The following MMD variants were observed in gnomAD, a reference collection of about 807,000 sequenced individuals.
MMD encodes monocyte to macrophage differentiation factor.
A neutral mutation model predicts 33.6 loss-of-function variants in MMD; 22 were observed. The ratio of observed to expected loss-of-function variants is 0.66; its 90% CI spans 0.47 to 0.94. The LOEUF is 0.94. Ranked by LOEUF, MMD falls within the 40% of genes least tolerant of loss-of-function variation. MMD has a pLI of 0.00. For missense variants in MMD, 242 were observed against 309.8 expected, an observed-to-expected ratio of 0.78 and a Z score of 1.64; for synonymous variants, 97 against 103.2, an observed-to-expected ratio of 0.94 and a Z score of 0.36.
chr17:55,420,116 A>T (rs1223174090), intron 1 of MMD: 4 of 152,198 alleles, frequency 2.6e-5, no homozygotes, highest in Admixed American at 6.5e-5. Flanking sequence ...AGAGGATCCA[A>T]AGGTATAGGT....
chr17:55,409,614 C>T (rs533515472), intron 3 of MMD, among the ~76,000 whole-genome samples: 1 of 152,168 alleles, frequency 6.6e-6, no homozygotes, highest in Admixed American at 6.5e-5. Flanking sequence ...TCCCTTCTCA[C>T]TTTTACTTAA....
Position 55,421,726 on chromosome 17 carries a change from G to A in MMD, c.-31C>T. 6.3e-7 allele frequency: 1 copy of A among 1,581,822 alleles called. No homozygotes were observed. Among genetic ancestry groups the A allele is most frequent in the African/African-American group, 1.4e-5 (1 of 72,894 alleles). On this transcript the variant is annotated 5_prime_UTR_variant, in exon 1 of 7. Coordinates refer to ENST00000262065, the MANE Select transcript of MMD (RefSeq NM_012329.3). ...CTCTGCTCCTCCTCGGGGGCCAGGA[G>A]CTCCGTCTCGTCAGCACCGGCGGCC...
chr17:55,396,060 A>C (rs1907089938), intron 6 of MMD, among the ~76,000 whole-genome samples: 1 of 152,206 alleles, frequency 6.6e-6, no homozygotes, highest in Non-Finnish European at 1.5e-5. Flanking sequence ...CCTTTCTGCC[A>C]AAACAAGCAA....
intron 4 of MMD, among the ~76,000 whole-genome samples, chr17:55,407,216 T>C (rs934946662): frequency 1.3e-5 from 2 of 151,070 alleles, no homozygotes; most frequent in African/African-American, 4.9e-5. Flanking sequence ...GTAATCCCAG[T>C]TACTCAGGAG....
intron 1 of MMD, among the ~76,000 whole-genome samples, chr17:55,414,472 C>G (rs192455242): frequency 6.7e-6 from 1 of 149,862 alleles, no homozygotes; most frequent in Admixed American, 6.7e-5. Context: ...AAAGAAAAAC[C>G]TTCCATAACC....
chr17:55,399,748 T>C (rs915901111), intron 6 of MMD, among the ~76,000 whole-genome samples: 1 of 152,230 alleles, frequency 6.6e-6, no homozygotes, highest in African/African-American at 2.4e-5. Flanking sequence ...TTTTCTTTAA[T>C]AGGAACTGCA....
chr17:55,421,797 C>A lies in MMD; in HGVS notation c.-102G>T, dbSNP rs2143172374. 3.2e-6 allele frequency: 4 copies of A among 1,242,892 alleles called. No individual in the cohort carries two copies. The highest frequency in any genetic ancestry group is 1.5e-5 in the South Asian group (1 of 67,602). 77.0% of individuals were successfully genotyped at this position (1,242,892 alleles called of 1,614,324 possible). ...CTTGGGCTGCTCCGGAGGCCGCCTG[C>A]GTGTCCAGCGGAACCCTTCGGCCGG... On this transcript the variant is annotated 5_prime_UTR_variant, in exon 1 of 7. Transcript: ENST00000262065.
At chr17:55,401,066 AGT>A (rs1907307848) in intron 6 of MMD, among the ~76,000 whole-genome samples, 1 of 152,246 alleles carries the variant, frequency 6.6e-6, no homozygotes, top group Non-Finnish European at 1.5e-5. Flanking sequence ...GATTCAGGAA[AGT>A]ACCATAAAGA....
chr17:55,403,532 G>A (rs1907427282), intron 5 of MMD, among the ~76,000 whole-genome samples: 1 of 152,176 alleles, frequency 6.6e-6, no homozygotes, highest in African/African-American at 2.4e-5. Flanking sequence ...AAAGGGGCTG[G>A]TTACCATGTC....
intron 6 of MMD, among the ~76,000 whole-genome samples, chr17:55,400,109 T>C (rs371955401): frequency 6.6e-6 from 1 of 152,224 alleles, no homozygotes; most frequent in East Asian, 1.9e-4. Flanking sequence ...TAGGTAATTA[T>C]TAAAGCCATC....
At chr17:55,404,463 G>A (rs572626926) in intron 4 of MMD, 2 of 985,174 alleles carry the variant, frequency 2.0e-6, no homozygotes, top group East Asian at 1.1e-4. Context: ...ACCCTATTAG[G>A]CAGAATGAGG....
chr17:55,413,560 T>C (rs963188890), intron 2 of MMD, among the ~76,000 whole-genome samples: 8 of 152,172 alleles, frequency 5.3e-5, no homozygotes, highest in African/African-American at 1.9e-4. Context: ...TATATATTTT[T>C]CAGTATTTTT....
intron 4 of MMD, among the ~76,000 whole-genome samples, chr17:55,405,326 C>T (rs576197235): frequency 4.0e-5 from 6 of 150,556 alleles, no homozygotes; most frequent in East Asian, 3.9e-4. Flanking sequence ...GCCAAGATCG[C>T]GCCATTGCAG....
Position 55,407,837 on chromosome 17 carries a change from A to G in MMD, c.270-17T>C, listed in dbSNP as rs1161605160. The G allele has an allele frequency of 3.2e-6, 5 of 1,542,588 alleles. No individual in the cohort carries two copies. The Admixed American group carries it at 1.2e-4, about 36-fold the overall frequency. ...TCCACTGTCCTAGCGAGGGGGAAAA[A>G]AAAGTAAATTTGTCAGAAAGTGTTC... On this transcript the variant is annotated splice_polypyrimidine_tract_variant and intron_variant, in intron 3 of 6. Transcript: ENST00000262065.
chr17:55,420,431 A>G (rs1427670714), intron 1 of MMD: 1 of 152,220 alleles, frequency 6.6e-6, no homozygotes, highest in African/African-American at 2.4e-5. Context: ...CTGATAAGCA[A>G]TATATTCAGA....
At chr17:55,401,902 C>G (rs1907345088) in intron 5 of MMD, among the ~76,000 whole-genome samples, 1 of 151,888 alleles carries the variant, frequency 6.6e-6, no homozygotes, top group South Asian at 2.1e-4. Flanking sequence ...TGAAACCCGT[C>G]CCTACTAAAA....
intron 6 of MMD, among the ~76,000 whole-genome samples, chr17:55,401,211 G>A (rs927460490): frequency 6.6e-6 from 1 of 152,072 alleles, no homozygotes; most frequent in Non-Finnish European, 1.5e-5. Context: ...TCAGGCTGTA[G>A]GGCATGAACA....
Position 55,411,400 on chromosome 17 carries a change from G to A in MMD, c.126C>T (p.Ala42=). ...CYTHAFLIVP[A]IVGSALLHRL... ...GATGGAGGAGGGCACTGCCCACGAT[G>A]GCCGGAACAATGAGGAACTGAGGGA... The change falls in exon 3 of 7, where the codon GCC becomes GCT. Residue 42 remains alanine (A), a synonymous_variant. Transcript: ENST00000262065. 2 of 1,612,888 alleles carry A rather than the reference G, an allele frequency of 1.2e-6. No individual in the cohort carries two copies. The highest frequency in any genetic ancestry group is 1.7e-6 in the Non-Finnish European group (2 of 1,179,630).
At chr17:55,402,087 C>CAAAAAAAAAAAA (rs55724383) in intron 5 of MMD, among the ~76,000 whole-genome samples, 1 of 92,052 alleles carries the variant, frequency 1.1e-5, no homozygotes, top group African/African-American at 4.3e-5. Flanking sequence ...GACTCAGTCT[C>CAAAAAAAAAAAA]AAAAAAAAAA....
Sources: gnomAD v4.1 joint callset for allele counts (sites outside exome capture counted in the v4.1 genomes callset) on GRCh38, gnomAD v4.1.1 for gene constraint, MANE v1.5 for transcripts, NCBI Gene and HGNC (gene_info 2026-07-23, HGNC 2026-07-21) for gene names.